Variants in COL11A1 observed in about 807,000 individuals in gnomAD.
COL11A1 encodes collagen alpha-1(XI) chain.
A neutral mutation model predicts 265.2 loss-of-function variants in COL11A1; 74 were observed. The ratio of observed to expected loss-of-function variants is 0.28; its 90% CI spans 0.23 to 0.34. COL11A1 has a LOEUF of 0.34. Among genes scored for constraint, COL11A1 ranks in the 10% least tolerant of loss-of-function variants. The pLI is 1.00. For missense variants in COL11A1, 2,165 were observed against 2,263.6 expected (o/e 0.96, Z 0.88); for synonymous variants, 816 against 727.6 (o/e 1.12, Z -1.96).
chr1:103,091,873 C>A (rs1480630612), intron 1 of COL11A1, among the ~76,000 whole-genome samples: 1 of 151,930 alleles, frequency 6.6e-6, no homozygotes. Flanking sequence ...ATATCAGTAA[C>A]CTGGAGTTTT....
At chr1:103,058,956 T>A (rs1670445742) in intron 4 of COL11A1, among the ~76,000 whole-genome samples, 1 of 152,060 alleles carries the variant, frequency 6.6e-6, no homozygotes, top group African/African-American at 2.4e-5. Context: ...AAACCATACT[T>A]ATAATAATAA....
intron 4 of COL11A1, among the ~76,000 whole-genome samples, chr1:103,061,332 G>T (rs781667455): frequency 1.3e-5 from 2 of 152,018 alleles, no homozygotes; most frequent in Non-Finnish European, 2.9e-5. Flanking sequence ...TAACAGAAAT[G>T]AAAATATACA....
chr1:102,943,594 A>G (rs1314892113), intron 42 of COL11A1, among the ~76,000 whole-genome samples: 1 of 152,000 alleles, frequency 6.6e-6, no homozygotes, highest in Non-Finnish European at 1.5e-5. Flanking sequence ...TCTCAACACT[A>G]CATCACGTGG....
intron 8 of COL11A1, 43 bp from the exon 9 acceptor site, chr1:103,021,812 C>T: frequency 7.6e-7 from 1 of 1,307,530 alleles, no homozygotes; most frequent in Non-Finnish European, 1.1e-6. Flanking sequence ...GTCTGTAAGA[C>T]CATTTCTTTC....
chr1:102,978,974 T>C, intron 33 of COL11A1, 61 bp from the exon 34 acceptor site: 3 of 1,609,988 alleles, frequency 1.9e-6, no homozygotes, highest in Non-Finnish European at 2.5e-6. Context: ...AGACACTAAA[T>C]CAATTTTTAT....
intron 4 of COL11A1, among the ~76,000 whole-genome samples, chr1:103,045,045 C>G (rs1243427592): frequency 1.3e-5 from 2 of 151,914 alleles, no homozygotes; most frequent in African/African-American, 4.8e-5. Context: ...GGCAGAAGGA[C>G]TAATGAATGT....
intron 42 of COL11A1, among the ~76,000 whole-genome samples, chr1:102,943,473 AC>A (rs1557853585): frequency 6.3e-4 from 95 of 149,948 alleles, no homozygotes; most frequent in African/African-American, 1.8e-3. Context: ...ACACACACAC[AC>A]ACACACACAC....
rs1308668598 is a variant in COL11A1, at chr1:102,995,897, A to G, written c.2307T>C (p.Gly769=). ...PGPRGVKGAD[G]VRGLKGSKGE... ...CTTTAGATCCCTTGAGACCTCTGAC[A>G]CCATCTGCTCCCTGTGGAATAAATT... The change falls in exon 28 of 67, where the codon GGT becomes GGC. Residue 769 remains glycine, a synonymous_variant. Transcript: ENST00000370096. 1.2e-6 allele frequency: 2 copies of G among 1,611,790 alleles called. No homozygotes were observed. The highest frequency in any genetic ancestry group is 1.1e-5 in the South Asian group (1 of 91,028).
chr1:103,101,741 GA>G (rs113936585), intron 1 of COL11A1, among the ~76,000 whole-genome samples: 2,344 of 139,528 alleles, frequency 0.017, 48 homozygotes, highest in African/African-American at 0.054. Context: ...TGCTTTTTAA[GA>G]AAAAAAAAAA....
chr1:102,917,390 A>C (rs1655463252), intron 49 of COL11A1, among the ~76,000 whole-genome samples: 1 of 151,968 alleles, frequency 6.6e-6, no homozygotes, highest in Admixed American at 6.6e-5. Context: ...AAATACTAAA[A>C]GAAAACATAG....
chr1:102,993,355 C>A (rs1664321465), intron 28 of COL11A1, among the ~76,000 whole-genome samples: 1 of 151,984 alleles, frequency 6.6e-6, no homozygotes, highest in African/African-American at 2.4e-5. Flanking sequence ...CCCAACCCAA[C>A]TTCCTATATC....
intron 1 of COL11A1, among the ~76,000 whole-genome samples, chr1:103,086,033 C>T (rs776818328): frequency 2.0e-5 from 3 of 152,006 alleles, no homozygotes; most frequent in Non-Finnish European, 4.4e-5. Context: ...CTGCTATACC[C>T]CAAAATAAAA....
At chr1:103,031,607 T>C (rs1668002052) in intron 4 of COL11A1, among the ~76,000 whole-genome samples, 1 of 152,076 alleles carries the variant, frequency 6.6e-6, no homozygotes, top group African/African-American at 2.4e-5. Context: ...AAACTGTGCA[T>C]ATATAAAGAC....
chr1:103,022,995 G>T lies in COL11A1; in HGVS notation c.992C>A (p.Pro331Gln), dbSNP rs148978696. ...APRHVSGTNE[P>Q]NPVEEIFTEE... is the part of the protein sequence containing the mutation. ...AGTAAATATTTCTTCAACTGGATTT[G>T]GCTATTAATTTAAATTGCAAGGAAT... The change falls in exon 8 of 67, where the codon CCA becomes CAA. Residue 331 changes from proline to glutamine, a missense_variant and splice_region_variant. Transcript: ENST00000370096. 1.9e-6 allele frequency: 3 copies of T among 1,611,510 alleles called. No individual in the cohort carries two copies. Among genetic ancestry groups the T allele is most frequent in the East Asian group, 4.5e-5 (2 of 44,836 alleles).
intron 2 of COL11A1, 137 bp from the exon 3 acceptor site, chr1:103,079,008 A>G: frequency 1.5e-6 from 1 of 656,894 alleles, no homozygotes; most frequent in South Asian, 1.8e-5. Flanking sequence ...AGATTAATAA[A>G]TAAATAGGGG....
chr1:102,930,650 T>G (rs1657297044), intron 46 of COL11A1, among the ~76,000 whole-genome samples: 1 of 152,236 alleles, frequency 6.6e-6, no homozygotes, highest in African/African-American at 2.4e-5. Context: ...TTGATTGGAA[T>G]AGTTTCAGAA....
At position 103,082,941 on chromosome 1, in the gene COL11A1, A is replaced by C. The variant is rs11164663; in HGVS notation, c.138T>G (p.Asp46Glu). 0.076 allele frequency: 122,191 copies of C among 1,612,862 alleles called. 5,153 individuals are homozygous for C. The highest frequency in any genetic ancestry group is 0.13 in the African/African-American group (9,771 of 74,898). The change falls in exon 2 of 67, where the codon GAT (aspartate) becomes GAG (glutamate). Residue 46 changes from aspartate (D) to glutamate (E), a missense_variant. Physicochemically the swap from Asp to Glu is conservative, Grantham distance 45. Coordinates refer to ENST00000370096, the MANE Select transcript of COL11A1 (RefSeq NM_001854.4). ...AAPVDVLKALDFHNSPEGISK... is the reference protein window; with the variant it reads ...AAPVDVLKALEFHNSPEGISK... ...ATATTCCCTCTGGAGAATTGTGAAA[A>C]TCTAGTGCTTTTAGTACATCAACTG...
chr1:103,085,850 C>T (rs182328327), intron 1 of COL11A1, among the ~76,000 whole-genome samples: 11 of 152,160 alleles, frequency 7.2e-5, no homozygotes, highest in Admixed American at 5.9e-4. Flanking sequence ...CCAGGGAGAG[C>T]CTAATATGTG....
At chr1:102,931,252 C>A (rs1181481355) in intron 46 of COL11A1, among the ~76,000 whole-genome samples, 4 of 151,138 alleles carry the variant, frequency 2.6e-5, no homozygotes, top group East Asian at 1.9e-4. Flanking sequence ...TTCCCTCTAC[C>A]CACTGCTTTG....
Sources: gnomAD v4.1 joint callset for allele counts (sites outside exome capture counted in the v4.1 genomes callset) on GRCh38, gnomAD v4.1.1 for gene constraint, MANE v1.5 for transcripts, NCBI Gene and HGNC (gene_info 2026-07-23, HGNC 2026-07-21) for gene names.